Variants in PRPF38A observed in about 807,000 individuals in gnomAD.
The protein encoded by PRPF38A is pre-mRNA-splicing factor 38A.
A neutral mutation model predicts 46.8 loss-of-function variants in PRPF38A; 11 were observed. The observed-to-expected ratio is 0.24, with a 90% CI of 0.15 to 0.39. The LOEUF (loss-of-function observed/expected upper bound fraction) is 0.39, where lower values mean the gene tolerates loss of function less well. PRPF38A is among the 10% of genes least tolerant of loss of function. PRPF38A has a pLI of 1.00. For synonymous variants in PRPF38A, 124 were observed against 136.2 expected (o/e 0.91, Z 0.62); for missense variants, 261 against 407.5 (o/e 0.64, Z 3.10).
chr1:52,412,609 A>G lies in PRPF38A; in HGVS notation c.594A>G (p.Glu198=), dbSNP rs763329790. 10 of 1,611,340 alleles carry G rather than the reference A, an allele frequency of 6.2e-6. No homozygotes were observed. Among genetic ancestry groups the G allele is most frequent in the South Asian group, 2.2e-5 (2 of 91,012 alleles). ...ATGTGGAGTCCAGTGAAGAGGAAGAAGAGGAGGATGAGAAGGTCTGGCACC... is the reference window on the plus strand; with the variant it reads ...ATGTGGAGTCCAGTGAAGAGGAAGAGGAGGAGGATGAGAAGGTCTGGCACC... ...MDDVESSEEE[E]EEDEKLERVP... The change falls in exon 5 of 10, where the codon GAA becomes GAG. Residue 198 remains glutamate, a synonymous_variant. Transcript: ENST00000257181.
chr1:52,415,920 G>T (rs1375429873), intron 9 of PRPF38A, among the ~76,000 whole-genome samples: 2 of 132,260 alleles, frequency 1.5e-5, no homozygotes, highest in Non-Finnish European at 3.1e-5. Flanking sequence ...TCGGCTCACT[G>T]CAAGCTCCAC....
chr1:52,415,321 G>C lies in PRPF38A; in HGVS notation c.848-17G>C. On this transcript the variant is annotated splice_polypyrimidine_tract_variant and intron_variant, in intron 8 of 9. Transcript: ENST00000257181. ...GTAGAAGGGTAGGATCTTATGCAAT[G>C]GCCTTTTCTTCCCCAGGTCATCACC... The C allele has an allele frequency of 1.2e-6, 2 of 1,612,946 alleles. No individual in the cohort carries two copies. Among genetic ancestry groups the C allele is most frequent in the Non-Finnish European group, 1.7e-6 (2 of 1,179,052 alleles).
chr1:52,410,951 G>T (rs1648133356), intron 3 of PRPF38A, among the ~76,000 whole-genome samples, 164 bp from the exon 4 acceptor site: 1 of 152,156 alleles, frequency 6.6e-6, no homozygotes, highest in Non-Finnish European at 1.5e-5. Context: ...GCTTGTTTTT[G>T]TGTTTGTCTC....
At chr1:52,415,246 T>C (rs1648255794) in intron 8 of PRPF38A, 92 bp from the exon 9 acceptor site, 3 of 1,309,798 alleles carry the variant, frequency 2.3e-6, no homozygotes, top group Middle Eastern at 3.7e-4. Flanking sequence ...CAAAAGAATA[T>C]TAAGCCAATG....
chr1:52,408,356 G>A, intron 2 of PRPF38A: 3 of 686,162 alleles, frequency 4.4e-6, no homozygotes, highest in Admixed American at 4.1e-5. Flanking sequence ...TATGTATGAT[G>A]TTCCCACAGC....
chr1:52,411,247 C>A (rs1230307789), intron 4 of PRPF38A, 47 bp downstream of exon 4: 8 of 1,379,200 alleles, frequency 5.8e-6, no homozygotes, highest in South Asian at 4.6e-5. Flanking sequence ...TCTTCCTAGA[C>A]GGGCAGACAG....
At chr1:52,405,541 T>A (rs1647958211) in intron 1 of PRPF38A, 139 bp from the exon 2 acceptor site, 1 of 730,482 alleles carries the variant, frequency 1.4e-6, no homozygotes, top group African/African-American at 1.8e-5. Flanking sequence ...GCTGTTGTCG[T>A]TACTGTTATT....
At chr1:52,406,438 C>T (rs764549932) in intron 2 of PRPF38A, among the ~76,000 whole-genome samples, 2 of 152,142 alleles carry the variant, frequency 1.3e-5, no homozygotes, top group Non-Finnish European at 2.9e-5. Context: ...AGGCACTGGA[C>T]GCTCAGGGGT....
At position 52,418,858 on chromosome 1, in the gene PRPF38A, CA is replaced by C. The variant is rs1310291633; in HGVS notation, c.*2171del. 1.3e-5 allele frequency: 2 copies of C among 152,224 alleles called. No homozygotes were observed. Among genetic ancestry groups the C allele is most frequent in the African/African-American group, 4.8e-5 (2 of 41,460 alleles). 9.4% of individuals were successfully genotyped at this position (152,224 alleles called of 1,614,324 possible). On this transcript the variant is annotated 3_prime_UTR_variant, in exon 10 of 10. Transcript: ENST00000257181. ...TACACATCTGTATTCTGTACTGAGA[CA>C]AATTTCAGGAAAGAATACTTACTAT... is the stretch of plus-strand genomic sequence containing the variant.
rs891667175 is a variant in PRPF38A, at chr1:52,418,424, C to T, written c.*1734C>T. On this transcript the variant is annotated 3_prime_UTR_variant, in exon 10 of 10. Coordinates refer to ENST00000257181, the MANE Select transcript of PRPF38A (RefSeq NM_032864.4). The stretch of plus-strand genomic sequence containing the variant: ...CCCATGGACCAACCAAGCTGTCATC[C>T]AGTACACTCTTAAAATAAAACTTTG... 6.6e-6 allele frequency: 1 copy of T among 152,138 alleles called. No homozygotes were observed. Among genetic ancestry groups the T allele is most frequent in the African/African-American group, 2.4e-5 (1 of 41,430 alleles). 9.4% of individuals were successfully genotyped at this position (152,138 alleles called of 1,614,324 possible). A position where few individuals can be genotyped will look rare whatever the true frequency, so the allele number is the denominator to read the frequency against.
intron 8 of PRPF38A, 29 bp downstream of exon 8, chr1:52,414,888 T>C: frequency 6.2e-7 from 1 of 1,606,882 alleles, no homozygotes; most frequent in Non-Finnish European, 8.5e-7. Context: ...TTGCCACAGG[T>C]TGTCTTAACA....
rs2147961764 is a variant in PRPF38A, at chr1:52,419,338, AAG to A, written c.*2651_*2652del. 6.6e-6 allele frequency: 1 copy of A among 152,004 alleles called. No homozygotes were observed. Among genetic ancestry groups the A allele is most frequent in the East Asian group, 1.9e-4 (1 of 5,190 alleles). 9.4% of individuals were successfully genotyped at this position (152,004 alleles called of 1,614,324 possible). A position where few individuals can be genotyped will look rare whatever the true frequency, so the allele number is the denominator to read the frequency against. ...GCCACTGCACTTCAGCCTGGGCAAAAAGAGCGAAACTCCATCTCAAAAAAAAA... is the reference window on the plus strand; with the variant it reads ...GCCACTGCACTTCAGCCTGGGCAAAAAGCGAAACTCCATCTCAAAAAAAAA... On this transcript the variant is annotated 3_prime_UTR_variant, in exon 10 of 10. Transcript: ENST00000257181.
At chr1:52,415,261 G>A (rs1648256191) in intron 8 of PRPF38A, 77 bp from the exon 9 acceptor site, 6 of 1,425,566 alleles carry the variant, frequency 4.2e-6, no homozygotes, top group East Asian at 2.3e-5. Context: ...CCAATGGCAG[G>A]TATTAGGGGA....
chr1:52,410,578 T>G (rs1648121188), intron 3 of PRPF38A, among the ~76,000 whole-genome samples: 1 of 151,544 alleles, frequency 6.6e-6, no homozygotes, highest in African/African-American at 2.4e-5. Context: ...CTCAGGTCAC[T>G]GCAACCTCTG....
At position 52,411,284 on chromosome 1, in the gene PRPF38A, C is replaced by A. The variant is rs919639095; in HGVS notation, c.498+84C>A. On this transcript the variant is annotated intron_variant, in intron 4 of 9. Transcript: ENST00000257181. ...CAAACACATACACACAGCTTAAACA[C>A]TGAAGCCTGTGGATCTTATGGGTCC... 5 of 945,534 alleles carry A rather than the reference C, an allele frequency of 5.3e-6. No homozygotes were observed. In the African/African-American group the frequency reaches 8.1e-5, roughly 15 times the overall value. The allele number at this position is 945,534 out of a possible 1,614,324, so 58.6% of individuals were successfully genotyped here. A position where few individuals can be genotyped will look rare whatever the true frequency, so the allele number is the denominator to read the frequency against.
intron 3 of PRPF38A, among the ~76,000 whole-genome samples, chr1:52,410,582 A>C (rs111287567): frequency 6.6e-6 from 1 of 151,244 alleles, no homozygotes; most frequent in African/African-American, 2.4e-5. Flanking sequence ...GGTCACTGCA[A>C]CCTCTGCCTC....
chr1:52,415,642 G>C (rs981570941), intron 9 of PRPF38A, among the ~76,000 whole-genome samples: 10 of 151,942 alleles, frequency 6.6e-5, no homozygotes, highest in African/African-American at 2.4e-4. Context: ...TCTGCCTCCC[G>C]GGTTCAAGCT....
chr1:52,415,887 G>C (rs1367612868), intron 9 of PRPF38A, among the ~76,000 whole-genome samples: 1 of 131,484 alleles, frequency 7.6e-6, no homozygotes, highest in Non-Finnish European at 1.5e-5. Context: ...CTGTCTCCCA[G>C]GCTGGAGTGC....
chr1:52,414,511 A>G, intron 6 of PRPF38A, 110 bp from the exon 7 acceptor site: 1 of 1,118,586 alleles, frequency 8.9e-7, no homozygotes, highest in Non-Finnish European at 1.3e-6. Context: ...AGACATGGAT[A>G]CAGAGGTGGG....
Sources: gnomAD v4.1 joint callset for allele counts (sites outside exome capture counted in the v4.1 genomes callset) on GRCh38, gnomAD v4.1.1 for gene constraint, MANE v1.5 for transcripts, NCBI Gene and HGNC (gene_info 2026-07-23, HGNC 2026-07-21) for gene names.